The following MYO10 variants were observed in gnomAD, a reference collection of about 807,000 sequenced individuals.
MYO10 encodes myosin X.
Under a neutral mutation model 257.3 loss-of-function variants are expected in MYO10, and 133 were observed. The observed-to-expected ratio is 0.52, with a 90% CI of 0.45 to 0.60. The LOEUF (loss-of-function observed/expected upper bound fraction) is 0.60. Among genes scored for constraint, MYO10 ranks in the 20% least tolerant of loss-of-function variants. The pLI is 0.00. For missense variants in MYO10, 2,399 were observed against 2,635.7 expected (o/e 0.91, Z 1.97); for synonymous variants, 1,104 against 1,028.6 (o/e 1.07, Z -1.40).
intron 27 of MYO10, among the ~76,000 whole-genome samples, chr5:16,691,674 C>T (rs964875801): frequency 2.0e-5 from 3 of 147,024 alleles, no homozygotes; most frequent in Admixed American, 6.9e-5. Flanking sequence ...ACTCCAGCCT[C>T]AGTGACAGAG....
intron 26 of MYO10, 27 bp downstream of exon 26, chr5:16,699,423 C>T: frequency 3.1e-6 from 5 of 1,610,812 alleles, no homozygotes; most frequent in Non-Finnish European, 4.2e-6. Context: ...CCCCCTAACC[C>T]AGACTCCATG....
intron 1 of MYO10, among the ~76,000 whole-genome samples, chr5:16,910,689 G>A (rs1383708956): frequency 6.6e-6 from 1 of 152,168 alleles, no homozygotes; most frequent in African/African-American, 2.4e-5. Flanking sequence ...CGACCCTGCG[G>A]GATGGGTACA....
chr5:16,703,421 A>G (rs951121860), intron 22 of MYO10, among the ~76,000 whole-genome samples: 6 of 152,204 alleles, frequency 3.9e-5, no homozygotes, highest in African/African-American at 1.4e-4. Flanking sequence ...TGTTGGCTTT[A>G]AGTAGTCTTG....
chr5:16,711,550 G>A (rs1440679303), intron 19 of MYO10, among the ~76,000 whole-genome samples: 12 of 152,214 alleles, frequency 7.9e-5, no homozygotes, highest in Admixed American at 1.3e-4. Flanking sequence ...TCGGGAGGCC[G>A]AGGCGGGTGG....
chr5:16,810,857 G>A (rs545150285), intron 3 of MYO10, among the ~76,000 whole-genome samples: 26 of 151,946 alleles, frequency 1.7e-4, no homozygotes, highest in Non-Finnish European at 3.5e-4. Flanking sequence ...GATCTCCCGA[G>A]GTCAGTTCGA....
At chr5:16,750,071 G>A (rs368779772) in intron 19 of MYO10, among the ~76,000 whole-genome samples, 4 of 152,144 alleles carry the variant, frequency 2.6e-5, no homozygotes, top group African/African-American at 7.2e-5. Context: ...AAAGCTAGAA[G>A]TCCTCATTAC....
chr5:16,743,106 A>G (rs1740071589), intron 19 of MYO10, among the ~76,000 whole-genome samples: 1 of 152,094 alleles, frequency 6.6e-6, no homozygotes, highest in Non-Finnish European at 1.5e-5. Flanking sequence ...GGCAACAAGA[A>G]CAAAACTCCA....
At chr5:16,673,002 T>C (rs563044480) in intron 36 of MYO10, among the ~76,000 whole-genome samples, 177 bp from the exon 37 acceptor site, 1 of 152,330 alleles carries the variant, frequency 6.6e-6, no homozygotes, top group Admixed American at 6.5e-5. Context: ...TTCCCTTTGT[T>C]CTCTTGAGAT....
intron 12 of MYO10, 101 bp downstream of exon 12, chr5:16,764,149 A>C: frequency 7.2e-7 from 1 of 1,384,010 alleles, no homozygotes; most frequent in East Asian, 2.3e-5. Flanking sequence ...TCCTTCTCAA[A>C]AAAAAAAAGA....
In MYO10 at chr5:16,923,444, G is replaced by A. The variant is rs552209423; in HGVS notation, c.21+12344C>T. The stretch of plus-strand genomic sequence containing the variant: ...TGGGACTACAGGTGCCCACCACCAC[G>A]CCCGGCTAATTTTTTTGTATTTTTA... On this transcript the variant is annotated intron_variant, in intron 1 of 40. Transcript: ENST00000513610. Among the ~76,000 whole-genome samples, 52 of 151,794 alleles carry A rather than the reference G, an allele frequency of 3.4e-4. No individual in the cohort carries two copies. The South Asian group carries it at 0.01, about 30-fold the overall frequency.
chr5:16,808,186 C>T (rs374820521), intron 3 of MYO10, among the ~76,000 whole-genome samples: 6 of 152,306 alleles, frequency 3.9e-5, no homozygotes, highest in Non-Finnish European at 7.4e-5. Context: ...ATTTCAGCCA[C>T]GTGTAGTGAC....
chr5:16,870,413 A>G (rs1159547166), intron 2 of MYO10, among the ~76,000 whole-genome samples: 1 of 151,510 alleles, frequency 6.6e-6, no homozygotes, highest in Non-Finnish European at 1.5e-5. Context: ...GTCCAGCAAC[A>G]TAATATCACC....
chr5:16,682,912 A>C (rs1737073372), intron 30 of MYO10, among the ~76,000 whole-genome samples: 1 of 152,216 alleles, frequency 6.6e-6, no homozygotes, highest in Admixed American at 6.5e-5. Context: ...TCACATGCCC[A>C]GCCTGGAGGA....
chr5:16,694,515 A>G lies in MYO10; in HGVS notation c.3656T>C (p.Leu1219Pro), dbSNP rs747075407. 6.2e-7 allele frequency: 1 copy of G among 1,613,886 alleles called. No individual in the cohort carries two copies. Among genetic ancestry groups the G allele is most frequent in the Non-Finnish European group, 8.5e-7 (1 of 1,179,850 alleles). ...GGAGGAGCCCCCCCCTTTTTTGTGG[A>G]GCCAGCCTTGCTTGAGGGCCTCCTG... is the stretch of plus-strand genomic sequence containing the variant. ...SKQEALKQGWLHKKGGGSSTL... is the reference protein window; with the variant it reads ...SKQEALKQGWPHKKGGGSSTL... The change falls in exon 27 of 41, where the codon CTC (leucine) becomes CCC (proline). Residue 1219 changes from leucine (L) to proline (P), a missense_variant. By Grantham distance (98) the Leu-to-Pro change is moderately conservative. Around this residue, in one of 3 missense-constraint regions of MYO10, gnomAD observed 1,820 missense variants for 1,939.4 expected, o/e 0.94. Transcript: ENST00000513610.
chr5:16,690,895 T>C (rs1737467501), intron 27 of MYO10, among the ~76,000 whole-genome samples: 1 of 152,026 alleles, frequency 6.6e-6, no homozygotes, highest in African/African-American at 2.4e-5. Flanking sequence ...CAGCAGATGT[T>C]AGGATCAGAC....
intron 19 of MYO10, chr5:16,713,300 T>TC (rs897427826): frequency 4.4e-5 from 43 of 985,126 alleles, no homozygotes; most frequent in Admixed American, 6.2e-5. Context: ...CAAAAGGGCC[T>TC]CCCCATCCAA....
intron 1 of MYO10, among the ~76,000 whole-genome samples, chr5:16,900,714 C>T (rs1325520820): frequency 6.7e-6 from 1 of 150,314 alleles, no homozygotes; most frequent in African/African-American, 2.5e-5. Context: ...CAGCATGATC[C>T]TCCCAAAAGT....
intron 4 of MYO10, among the ~76,000 whole-genome samples, chr5:16,787,795 G>A (rs1473883211): frequency 6.6e-6 from 1 of 151,884 alleles, no homozygotes; most frequent in African/African-American, 2.4e-5. Context: ...AGCTTCTAAA[G>A]GATCGTTCTT....
At chr5:16,864,959 C>T (rs147827097) in intron 2 of MYO10, among the ~76,000 whole-genome samples, 281 of 152,256 alleles carry the variant, frequency 1.8e-3, no homozygotes, top group African/African-American at 6.4e-3. Flanking sequence ...GTATAGACCG[C>T]TGATTTTAAG....
Sources: allele counts gnomAD v4.1 joint callset (sites outside exome capture counted in the v4.1 genomes callset), GRCh38; gene constraint gnomAD v4.1.1; regional missense constraint gnomAD v4.1.1; transcripts MANE v1.5; gene names NCBI Gene and HGNC (gene_info 2026-07-23, HGNC 2026-07-21).